Variants in PALLD observed in about 807,000 individuals in gnomAD.
PALLD encodes palladin.
A neutral mutation model predicts 123.5 loss-of-function variants in PALLD; 61 were observed. The ratio of observed to expected loss-of-function variants is 0.49; its 90% CI spans 0.40 to 0.61. PALLD has a LOEUF of 0.61. PALLD is among the 20% of genes least tolerant of loss of function. The pLI, the probability that PALLD is intolerant of heterozygous loss-of-function variation, is 0.00. For missense variants in PALLD, 1,273 were observed against 1,377.0 expected, an observed-to-expected ratio of 0.92 and a Z score of 1.20; for synonymous variants, 465 against 496.4, an observed-to-expected ratio of 0.94 and a Z score of 0.84.
chr4:168,894,459 TG>T (rs1436763413), intron 11 of PALLD, 119 bp from the exon 12 acceptor site: 3 of 720,582 alleles, frequency 4.2e-6, no homozygotes, highest in Non-Finnish European at 7.4e-6. Flanking sequence ...TATCTGAAGC[TG>T]GAGAGAGAAC....
intron 2 of PALLD, among the ~76,000 whole-genome samples, chr4:168,656,757 A>G (rs1778620343): frequency 6.6e-6 from 1 of 152,244 alleles, no homozygotes; most frequent in Non-Finnish European, 1.5e-5. Flanking sequence ...ATGGCAGCTT[A>G]TTTAAAAAAA....
chr4:168,885,303 C>T (rs1443178440), intron 10 of PALLD: 1 of 152,142 alleles, frequency 6.6e-6, no homozygotes, highest in African/African-American at 2.4e-5. Flanking sequence ...TGATCAAGGA[C>T]CATCCTTTAG....
At chr4:168,535,949 A>G (rs1047106471) in intron 2 of PALLD, among the ~76,000 whole-genome samples, 1 of 152,212 alleles carries the variant, frequency 6.6e-6, no homozygotes, top group African/African-American at 2.4e-5. Context: ...TGTGTAATTT[A>G]CAAGAACACT....
At chr4:168,759,199 AAAAATATATATATATATATATATATATAT>A (rs1470857006) in intron 10 of PALLD, among the ~76,000 whole-genome samples, 1 of 38,394 alleles carries the variant, frequency 2.6e-5, no homozygotes, top group African/African-American at 1.4e-4. Flanking sequence ...AAAAAAAAAA[AAAAATATATATATATATATATATATATAT>A]ATATATATAT....
chr4:168,804,453 T>C (rs537979135), intron 10 of PALLD, among the ~76,000 whole-genome samples: 1 of 152,330 alleles, frequency 6.6e-6, no homozygotes, highest in South Asian at 2.1e-4. Context: ...TTAAAAAACT[T>C]TGACAGTTGT....
chr4:168,785,458 A>G (rs147207186), intron 10 of PALLD, among the ~76,000 whole-genome samples: 1 of 152,138 alleles, frequency 6.6e-6, no homozygotes, highest in African/African-American at 2.4e-5. Context: ...TTTCATGCTG[A>G]TGAACTCAAA....
In PALLD at chr4:168,734,237, G is replaced by A. The variant is rs183716007; in HGVS notation, c.1964+22314G>A. Among the ~76,000 whole-genome samples, 12 of 151,666 alleles carry A rather than the reference G, an allele frequency of 7.9e-5. No homozygotes were observed. In the East Asian group the frequency reaches 2.3e-3, roughly 29 times the overall value. ...TTCCCAAAAAAATTTACTATTTTAA[G>A]GTTAAATATAAAATAACGGTATAAG... On this transcript the variant is annotated intron_variant, in intron 10 of 21. Transcript: ENST00000505667.
intron 2 of PALLD, among the ~76,000 whole-genome samples, chr4:168,637,363 T>C (rs769127584): frequency 6.6e-6 from 1 of 152,122 alleles, no homozygotes; most frequent in Non-Finnish European, 1.5e-5. Context: ...GGACTACCAG[T>C]AGACAACTAC....
intron 10 of PALLD, among the ~76,000 whole-genome samples, chr4:168,736,813 C>T (rs1787804414): frequency 6.6e-6 from 1 of 152,046 alleles, no homozygotes; most frequent in Admixed American, 6.6e-5. Context: ...TGCTAGTGAC[C>T]TCAGTGTCAA....
chr4:168,542,717 CATATATATATATATAT>C (rs70961531), intron 2 of PALLD, among the ~76,000 whole-genome samples: 9,562 of 88,616 alleles, frequency 0.11, 791 homozygotes, highest in Non-Finnish European at 0.15. Context: ...CTAACCTTTC[CATATATATATATATAT>C]ATATATATAT....
chr4:168,673,888 C>CTGTGTGTG (rs34043206), intron 3 of PALLD, among the ~76,000 whole-genome samples: 19 of 146,384 alleles, frequency 1.3e-4, no homozygotes, highest in South Asian at 2.2e-4. Context: ...TTTGAACGTG[C>CTGTGTGTG]TGTGTGTGTG....
At chr4:168,583,607 C>T (rs1425037771) in intron 2 of PALLD, among the ~76,000 whole-genome samples, 1 of 152,132 alleles carries the variant, frequency 6.6e-6, no homozygotes, top group Non-Finnish European at 1.5e-5. Flanking sequence ...GTGCACCAAT[C>T]AGTTTGATGG....
rs1314008029 is a variant in PALLD at position 168,924,904 on chromosome 4, T to A, written c.3225-41T>A. On this transcript the variant is annotated intron_variant, in intron 19 of 21. Transcript: ENST00000505667. ...GATGCTTCATGTCCAAAGCCACTTT[T>A]AAAAAATTTAGAACCCTAATGACTT... is the stretch of plus-strand genomic sequence containing the variant. 4 of 1,613,012 alleles carry A rather than the reference T, an allele frequency of 2.5e-6. No homozygotes were observed. The South Asian group carries it at 3.3e-5, about 13-fold the overall frequency.
intron 6 of PALLD, among the ~76,000 whole-genome samples, chr4:168,687,067 G>A (rs62333892): frequency 0.12 from 18,155 of 152,114 alleles, 1,308 homozygotes; most frequent in African/African-American, 0.18. Flanking sequence ...TACTTTTCAC[G>A]ACAAACAATT....
In PALLD at chr4:168,926,956, A is replaced by C; in HGVS notation, c.*776A>C. On this transcript the variant is annotated 3_prime_UTR_variant, in exon 22 of 22. Transcript: ENST00000505667. ...AAGGAACTACTTGCCTTAAATGTTA[A>C]TATCAAAAGAGTTTTCTAACAAGGT... 4.6e-6 allele frequency: 1 copy of C among 219,752 alleles called. No individual in the cohort carries two copies. 13.6% of individuals were successfully genotyped at this position (219,752 alleles called of 1,614,324 possible).
chr4:168,751,261 C>T (rs1256695871), intron 10 of PALLD, among the ~76,000 whole-genome samples: 2 of 152,156 alleles, frequency 1.3e-5, no homozygotes, highest in Non-Finnish European at 2.9e-5. Context: ...ATCTGCCCAC[C>T]TCAGCCTCCC....
intron 6 of PALLD, 42 bp downstream of exon 6, chr4:168,685,601 C>A: frequency 7.5e-7 from 1 of 1,330,402 alleles, no homozygotes; most frequent in South Asian, 1.2e-5. Context: ...TTGCTTTGGT[C>A]CTTAAATTTC....
chr4:168,784,785 G>T (rs116194597), intron 10 of PALLD, among the ~76,000 whole-genome samples: 1 of 152,204 alleles, frequency 6.6e-6, no homozygotes, highest in African/African-American at 2.4e-5. Context: ...CAGGAAGAGC[G>T]TGAAGTTGTT....
At chr4:168,792,262 G>A (rs968747121) in intron 10 of PALLD, among the ~76,000 whole-genome samples, 4 of 151,950 alleles carry the variant, frequency 2.6e-5, no homozygotes, top group African/African-American at 9.7e-5. Flanking sequence ...CGGAGCAGAG[G>A]CTGACTCCCA....
Sources: gnomAD v4.1 joint callset for allele counts (sites outside exome capture counted in the v4.1 genomes callset) on GRCh38, gnomAD v4.1.1 for gene constraint, MANE v1.5 for transcripts, NCBI Gene and HGNC (gene_info 2026-07-23, HGNC 2026-07-21) for gene names.